MID1: variants seen among roughly 807,000 people sequenced by gnomAD.
MID1 encodes E3 ubiquitin-protein ligase Midline-1.
In MID1, 7 loss-of-function variants were observed where a neutral mutation model predicts 40.4. The ratio of observed to expected loss-of-function variants is 0.17; its 90% CI spans 0.10 to 0.33. The LOEUF (loss-of-function observed/expected upper bound fraction) is 0.33. Among genes scored for constraint, MID1 ranks in the 10% least tolerant of loss-of-function variants. The pLI is 1.00. For missense variants in MID1, 367 were observed against 558.5 expected, an observed-to-expected ratio of 0.66 and a Z score of 3.46; for synonymous variants, 229 against 221.2, an observed-to-expected ratio of 1.04 and a Z score of -0.31.
intron 1 of MID1, among the ~76,000 whole-genome samples, chrX:10,604,016 T>C (rs773830421): frequency 4.5e-5 from 5 of 111,873 alleles, no homozygotes; most frequent in African/African-American, 1.6e-4. Context: ...CTTTGGTAAG[T>C]AAAAGAGATG....
chrX:10,457,476 A>C (rs1225161009), intron 8 of MID1, among the ~76,000 whole-genome samples: 2 of 112,395 alleles, frequency 1.8e-5, no homozygotes, highest in East Asian at 5.5e-4. Context: ...TAAATAATTC[A>C]ATTCATTATA....
chrX:10,551,478 T>C (rs776844701), intron 2 of MID1, among the ~76,000 whole-genome samples: 1 of 112,283 alleles, frequency 8.9e-6, no homozygotes, highest in East Asian at 2.8e-4. Context: ...AGGCATTATT[T>C]TGCTTGACTA....
intron 1 of MID1, among the ~76,000 whole-genome samples, chrX:10,581,350 T>C (rs945355226): frequency 6.2e-5 from 7 of 112,866 alleles, no homozygotes; most frequent in African/African-American, 2.3e-4. Flanking sequence ...GGCTCTGCCA[T>C]TTCCTTGCAA....
At chrX:10,654,144 T>C (rs2042853212) in intron 1 of MID1, among the ~76,000 whole-genome samples, 1 of 111,812 alleles carries the variant, frequency 8.9e-6, no homozygotes, top group Non-Finnish European at 1.9e-5. Context: ...CATCTAGATA[T>C]AGAGATACTA....
chrX:10,623,877 G>A (rs1935968361), upstream of MID1, among the ~76,000 whole-genome samples: 1 of 111,172 alleles, frequency 9.0e-6, no homozygotes, highest in Non-Finnish European at 1.9e-5. Flanking sequence ...TTCTCCCTCA[G>A]AGGTTTCAGA....
chrX:10,552,167 TG>T (rs1456958756), intron 2 of MID1, among the ~76,000 whole-genome samples: 1 of 62,195 alleles, frequency 1.6e-5, no homozygotes, highest in Non-Finnish European at 3.0e-5. Context: ...TATGAAGGAG[TG>T]GTAAAAAAAA....
chrX:10,571,485 C>T (rs1437428698), intron 1 of MID1, among the ~76,000 whole-genome samples: 1 of 105,913 alleles, frequency 9.4e-6, no homozygotes, highest in Non-Finnish European at 1.9e-5. Flanking sequence ...AAATGCCATT[C>T]ATTCCTTTTT....
In MID1 at chrX:10,562,371, T is replaced by TA. The variant is rs760465620; in HGVS notation, c.660+4516dup. ...TGCACATGTGTCCCAGAACTTAAAG[T>TA]AAAAAAAAAAAAAAAAAAAAGAAAA... On this transcript the variant is annotated intron_variant, in intron 2 of 9. Transcript: ENST00000317552. Among the ~76,000 whole-genome samples the TA allele has an allele frequency of 5.0e-3, 223 of 44,763 alleles. 4 individuals carry two copies. The highest frequency in any genetic ancestry group is 0.015 in the East Asian group (23 of 1,484). The allele number at this position is 44,763 out of a possible 115,157, so 38.9% of individuals were successfully genotyped here.
At chrX:10,500,736 T>C (rs1353458729) in intron 3 of MID1, among the ~76,000 whole-genome samples, 1 of 112,228 alleles carries the variant, frequency 8.9e-6, no homozygotes, top group Non-Finnish European at 1.9e-5. Context: ...CTCCTGGTTA[T>C]GATTTTTGCT....
intron 2 of MID1, among the ~76,000 whole-genome samples, chrX:10,548,128 T>C (rs1184285045): frequency 1.8e-5 from 2 of 111,895 alleles, no homozygotes; most frequent in African/African-American, 6.5e-5. Flanking sequence ...TTTTAATTAG[T>C]ATGGGAAGCC....
chrX:10,716,214 GAGA>G (rs1416603898), intron 1 of MID1, among the ~76,000 whole-genome samples: 2 of 112,212 alleles, frequency 1.8e-5, no homozygotes, highest in African/African-American at 6.5e-5. Flanking sequence ...GACGAGTTGA[GAGA>G]AGAAGGCTTC....
intron 4 of MID1, among the ~76,000 whole-genome samples, chrX:10,491,619 T>C (rs1423594070): frequency 8.9e-6 from 1 of 111,779 alleles, no homozygotes; most frequent in East Asian, 2.8e-4. Context: ...ACTTATGATA[T>C]ATTATAGTTC....
intron 1 of MID1, among the ~76,000 whole-genome samples, chrX:10,717,177 C>A (rs896987196): frequency 5.4e-5 from 6 of 111,427 alleles, no homozygotes; most frequent in African/African-American, 2.0e-4. Context: ...ATGACAGGAT[C>A]AAATTCACAC....
At chrX:10,636,102 A>G (rs1266629538) in intron 1 of MID1, among the ~76,000 whole-genome samples, 3 of 112,546 alleles carry the variant, frequency 2.7e-5, no homozygotes, top group East Asian at 2.8e-4. Flanking sequence ...AGGGAACAGC[A>G]TGAAAGCAAC....
intron 1 of MID1, among the ~76,000 whole-genome samples, chrX:10,813,912 T>C (rs2044118703): frequency 1.8e-5 from 2 of 111,716 alleles, no homozygotes; most frequent in Non-Finnish European, 1.9e-5. Context: ...TGTTTTCCGC[T>C]TCATGAGTCA....
intron 2 of MID1, among the ~76,000 whole-genome samples, chrX:10,560,075 C>T (rs932201889): frequency 1.8e-5 from 2 of 109,935 alleles, no homozygotes; most frequent in African/African-American, 6.6e-5. Context: ...TTAGTAGAGA[C>T]AGGGTCTTGC....
At chrX:10,777,602 G>A (rs1217085809) in intron 1 of MID1, among the ~76,000 whole-genome samples, 4 of 103,549 alleles carry the variant, frequency 3.9e-5, no homozygotes, top group Admixed American at 3.2e-4. Flanking sequence ...GTGCGGTGGC[G>A]CGATCTTGGC....
At chrX:10,537,601 G>C (rs1214674304) in intron 2 of MID1, among the ~76,000 whole-genome samples, 5 of 112,205 alleles carry the variant, frequency 4.5e-5, no homozygotes, top group Non-Finnish European at 7.5e-5. Context: ...CACTGATACA[G>C]GTAATGAACA....
chrX:10,725,720 G>A (rs1443358049), intron 1 of MID1, among the ~76,000 whole-genome samples: 2 of 111,577 alleles, frequency 1.8e-5, no homozygotes, highest in South Asian at 3.8e-4. Context: ...TTTGTTGGGC[G>A]TGGTGGGGTG....
Sources: gnomAD v4.1 joint callset for allele counts (sites outside exome capture counted in the v4.1 genomes callset) on GRCh38, gnomAD v4.1.1 for gene constraint, MANE v1.5 for transcripts, NCBI Gene and HGNC (gene_info 2026-07-23, HGNC 2026-07-21) for gene names.